The following ZFYVE9 variants were observed in gnomAD, a reference collection of about 807,000 sequenced individuals.
ZFYVE9 encodes the protein zinc finger FYVE domain-containing protein 9.
A neutral mutation model predicts 126.7 loss-of-function variants in ZFYVE9; 43 were observed. The observed-to-expected ratio is 0.34, with a 90% CI of 0.27 to 0.44. ZFYVE9 has a LOEUF of 0.44. ZFYVE9 is among the 20% of genes least tolerant of loss of function. ZFYVE9 has a pLI of 1.00. For missense variants in ZFYVE9, 1,476 were observed against 1,697.0 expected, an observed-to-expected ratio of 0.87 and a Z score of 2.29; for synonymous variants, 521 against 597.4, an observed-to-expected ratio of 0.87 and a Z score of 1.87.
intron 5 of ZFYVE9, 67 bp downstream of exon 5, chr1:52,263,939 T>A: frequency 1.9e-6 from 2 of 1,030,744 alleles, no homozygotes; most frequent in Non-Finnish European, 2.8e-6. Context: ...ATGAGAAGAC[T>A]TTTTTCCCCC....
intron 1 of ZFYVE9, among the ~76,000 whole-genome samples, chr1:52,209,873 T>C (rs1421011120): frequency 6.6e-6 from 1 of 152,154 alleles, no homozygotes; most frequent in African/African-American, 2.4e-5. Flanking sequence ...TAGGATGACA[T>C]TGAATGATGT....
At chr1:52,213,862 C>T (rs756997690) in intron 1 of ZFYVE9, among the ~76,000 whole-genome samples, 11 of 152,070 alleles carry the variant, frequency 7.2e-5, no homozygotes, top group Non-Finnish European at 1.3e-4. Context: ...AGCCCCACAG[C>T]ACCTTAGAGA....
At chr1:52,321,356 A>G (rs1241334810) in intron 13 of ZFYVE9, among the ~76,000 whole-genome samples, 2 of 152,218 alleles carry the variant, frequency 1.3e-5, no homozygotes, top group Admixed American at 6.6e-5. Context: ...TTAGGAGCTG[A>G]TAGTCCTCTT....
At chr1:52,198,558 G>A (rs915986711) in intron 1 of ZFYVE9, among the ~76,000 whole-genome samples, 2 of 152,142 alleles carry the variant, frequency 1.3e-5, no homozygotes, top group African/African-American at 2.4e-5. Context: ...GTCAAGATAG[G>A]AGCATACATA....
Position 52,237,865 on chromosome 1 carries a change from G to C in ZFYVE9, c.448G>C (p.Val150Leu), listed in dbSNP as rs1025354444. 2.5e-6 allele frequency: 4 copies of C among 1,613,590 alleles called. No individual in the cohort carries two copies. In the African/African-American group the frequency reaches 5.3e-5, roughly 22 times the overall value. The change falls in exon 4 of 19, where the codon GTT becomes CTT. Residue 150 changes from valine (V) to leucine (L), a missense_variant. Physicochemically the swap from Val to Leu is conservative, Grantham distance 32. Around this residue, in one of 2 missense-constraint regions of ZFYVE9, gnomAD observed 807 missense variants for 794.6 expected, o/e 1.02. Coordinates refer to ENST00000287727, the MANE Select transcript of ZFYVE9 (RefSeq NM_004799.4). ...ACLPDEKNVLVVAVMHNCDKR... is the reference protein window; with the variant it reads ...ACLPDEKNVLLVAVMHNCDKR... ...TCTGCCAGATGAGAAGAATGTTCTT[G>C]TTGTAGCCGTCATGCATAACTGTGA...
intron 1 of ZFYVE9, chr1:52,180,290 A>G: frequency 6.3e-7 from 1 of 1,596,056 alleles, no homozygotes; most frequent in Non-Finnish European, 8.5e-7. Flanking sequence ...CCATTTCAAC[A>G]ACCTGCATAC....
chr1:52,202,591 T>G (rs931011307), intron 1 of ZFYVE9, among the ~76,000 whole-genome samples: 3 of 151,840 alleles, frequency 2.0e-5, no homozygotes, highest in Non-Finnish European at 4.4e-5. Context: ...CAGGTCTTAT[T>G]TATTGATGCA....
chr1:52,206,888 G>T (rs1644983320), intron 1 of ZFYVE9, among the ~76,000 whole-genome samples: 2 of 152,200 alleles, frequency 1.3e-5, no homozygotes, highest in Admixed American at 1.3e-4. Flanking sequence ...AGTAAATCAT[G>T]AGATATGTCA....
At chr1:52,298,831 A>T (rs1229376372) in intron 12 of ZFYVE9, among the ~76,000 whole-genome samples, 1 of 118,138 alleles carries the variant, frequency 8.5e-6, no homozygotes, top group African/African-American at 3.7e-5. Context: ...TTTTTTTGAG[A>T]CGGAGTCTTG....
At chr1:52,258,331 A>G (rs1645542618) in intron 4 of ZFYVE9, among the ~76,000 whole-genome samples, 1 of 142,550 alleles carries the variant, frequency 7.0e-6, no homozygotes, top group Non-Finnish European at 1.6e-5. Context: ...TTTTTACTCT[A>G]AGCCTGTAGC....
At chr1:52,277,147 T>C (rs1645755872) in intron 8 of ZFYVE9, among the ~76,000 whole-genome samples, 1 of 152,228 alleles carries the variant, frequency 6.6e-6, no homozygotes, top group Admixed American at 6.5e-5. Context: ...AATAAGGAAC[T>C]AAATTGGCCT....
chr1:52,337,515 G>T lies in ZFYVE9; in HGVS notation c.3671-257G>T, dbSNP rs75339697. The stretch of plus-strand genomic sequence containing the variant: ...GTGTGTCCAGAAGAAGAATGTGACT[G>T]TGTTTAAGTTTTCCCCTTAAGTAGT... On this transcript the variant is annotated intron_variant, in intron 15 of 18. Transcript: ENST00000287727. Among the ~76,000 whole-genome samples the T allele has an allele frequency of 3.9e-3, 601 of 152,344 alleles. 3 individuals are homozygous for T. The highest frequency in any genetic ancestry group is 0.014 in the African/African-American group (573 of 41,588).
At chr1:52,189,147 G>T (rs892440996) in intron 1 of ZFYVE9, among the ~76,000 whole-genome samples, 1 of 151,692 alleles carries the variant, frequency 6.6e-6, no homozygotes, top group African/African-American at 2.4e-5. Context: ...ATATTGGCCC[G>T]GGTGGTCTTG....
intron 1 of ZFYVE9, among the ~76,000 whole-genome samples, chr1:52,193,580 G>A (rs1400987931): frequency 5.7e-4 from 87 of 151,416 alleles, no homozygotes; most frequent in East Asian, 2.0e-4. Context: ...GGTTGCAGGC[G>A]CCTGTAATCC....
chr1:52,344,465 G>A (rs921353939), intron 17 of ZFYVE9, among the ~76,000 whole-genome samples: 1 of 152,196 alleles, frequency 6.6e-6, no homozygotes, highest in African/African-American at 2.4e-5. Context: ...GGCATACAAT[G>A]CAAAATGGAG....
At chr1:52,305,684 G>C (rs548515618) in intron 13 of ZFYVE9, among the ~76,000 whole-genome samples, 126 of 152,210 alleles carry the variant, frequency 8.3e-4, no homozygotes, top group Admixed American at 6.5e-3. Flanking sequence ...TGGGCCTTCT[G>C]CTCCATGGAG....
At chr1:52,202,521 TC>T (rs1437414969) in intron 1 of ZFYVE9, among the ~76,000 whole-genome samples, 7 of 151,992 alleles carry the variant, frequency 4.6e-5, no homozygotes, top group Admixed American at 3.9e-4. Context: ...CCTCAAGTGA[TC>T]CACCTGCCTC....
intron 1 of ZFYVE9, among the ~76,000 whole-genome samples, chr1:52,197,098 A>G (rs1218444851): frequency 2.6e-5 from 4 of 152,220 alleles, no homozygotes; most frequent in Admixed American, 2.0e-4. Context: ...AGAAGTAGAT[A>G]TAAGAATATT....
At chr1:52,183,682 T>A (rs1362841348) in intron 1 of ZFYVE9, among the ~76,000 whole-genome samples, 1 of 152,054 alleles carries the variant, frequency 6.6e-6, no homozygotes, top group Non-Finnish European at 1.5e-5. Context: ...TTTTTGTGTA[T>A]TTTAGTAGAG....
Sources: gnomAD v4.1 joint callset for allele counts (sites outside exome capture counted in the v4.1 genomes callset) on GRCh38, gnomAD v4.1.1 for gene constraint, gnomAD v4.1.1 regional missense constraint, MANE v1.5 for transcripts, NCBI Gene and HGNC (gene_info 2026-07-23, HGNC 2026-07-21) for gene names.